The following FAM117B variants were observed in gnomAD, a reference collection of about 807,000 sequenced individuals.
FAM117B encodes protein FAM117B.
A neutral mutation model predicts 52.8 loss-of-function variants in FAM117B; 22 were observed. The ratio of observed to expected loss-of-function variants is 0.42; its 90% CI spans 0.30 to 0.59. FAM117B has a LOEUF of 0.59. Among genes scored for constraint, FAM117B ranks in the 20% least tolerant of loss-of-function variants. FAM117B has a pLI of 0.22. For missense variants in FAM117B, 678 were observed against 802.6 expected (o/e 0.84, Z 1.88); for synonymous variants, 309 against 324.1 (o/e 0.95, Z 0.50).
chr2:202,655,615 A>G (rs1173822869), intron 1 of FAM117B, among the ~76,000 whole-genome samples: 1 of 151,838 alleles, frequency 6.6e-6, no homozygotes, highest in Non-Finnish European at 1.5e-5. Context: ...TGTTTTTAGA[A>G]GAGGTTATGT....
chr2:202,638,303 G>A, intron 1 of FAM117B, among the ~76,000 whole-genome samples: 1 of 152,228 alleles, frequency 6.6e-6, no homozygotes, highest in Non-Finnish European at 1.5e-5. Flanking sequence ...GGTGGCAGAA[G>A]GAGGCACAGC....
chr2:202,704,186 G>A (rs918074246), intron 2 of FAM117B, among the ~76,000 whole-genome samples: 1 of 152,054 alleles, frequency 6.6e-6, no homozygotes, highest in East Asian at 1.9e-4. Flanking sequence ...AATTTTTTGA[G>A]GTTACTTTGA....
chr2:202,655,250 G>C (rs13397983), intron 1 of FAM117B, among the ~76,000 whole-genome samples: 13,690 of 152,076 alleles, frequency 0.09, 2,081 homozygotes, highest in African/African-American at 0.31. Flanking sequence ...ATGAATGTAC[G>C]ACACTTTGTT....
At chr2:202,667,251 C>A (rs1315453162) in intron 1 of FAM117B, among the ~76,000 whole-genome samples, 2 of 151,960 alleles carry the variant, frequency 1.3e-5, no homozygotes, top group African/African-American at 4.8e-5. Context: ...CAGGCACGTG[C>A]CACCATACCT....
At chr2:202,726,848 T>G (rs1413024542) in intron 4 of FAM117B, among the ~76,000 whole-genome samples, 2 of 151,934 alleles carry the variant, frequency 1.3e-5, no homozygotes, top group Non-Finnish European at 2.9e-5. Context: ...GATGAGTTAA[T>G]GGGTACAGCA....
At chr2:202,728,951 C>T (rs780037432) in intron 4 of FAM117B, among the ~76,000 whole-genome samples, 2 of 152,164 alleles carry the variant, frequency 1.3e-5, no homozygotes, top group African/African-American at 4.8e-5. Flanking sequence ...AGCGTCTTAA[C>T]TGTTTCTCCC....
At chr2:202,709,953 A>T (rs1690933495) in intron 2 of FAM117B, among the ~76,000 whole-genome samples, 1 of 152,136 alleles carries the variant, frequency 6.6e-6, no homozygotes, top group South Asian at 2.1e-4. Flanking sequence ...GTGTGGATTT[A>T]TTTATGGGCT....
At chr2:202,641,971 C>G (rs968191647) in intron 1 of FAM117B, among the ~76,000 whole-genome samples, 16 of 143,254 alleles carry the variant, frequency 1.1e-4, no homozygotes, top group Non-Finnish European at 2.0e-4. Flanking sequence ...TTATCGGAGT[C>G]TTACTCTGTC....
At chr2:202,712,419 CTTTTTTT>C (rs1186703318) in intron 2 of FAM117B, among the ~76,000 whole-genome samples, 4 of 89,458 alleles carry the variant, frequency 4.5e-5, no homozygotes, top group Non-Finnish European at 6.4e-5. Context: ...TATCAGCTCT[CTTTTTTT>C]TTTTTTTTTT....
chr2:202,635,356 A>AGCG lies in FAM117B; in HGVS notation c.187_189dup (p.Gly63dup), dbSNP rs758776023. 1,088 of 1,375,614 alleles carry AGCG rather than the reference A, an allele frequency of 7.9e-4. 1 individual carries two copies. The highest frequency in any genetic ancestry group is 1.5e-3 in the South Asian group (88 of 60,372). 85.2% of individuals were successfully genotyped at this position (1,375,614 alleles called of 1,614,324 possible). A position where few individuals can be genotyped will look rare whatever the true frequency, so the allele number is the denominator to read the frequency against. On this transcript the variant is annotated inframe_insertion, in exon 1 of 8. Transcript: ENST00000392238. The stretch of plus-strand genomic sequence containing the variant: ...GCAGCAACATGGCAGCCCCACGCGG[A>AGCG]GCGGCGGCGGCGGCGGCGGCAACAA...
At chr2:202,692,704 T>A (rs1241120155) in intron 1 of FAM117B, among the ~76,000 whole-genome samples, 4 of 152,196 alleles carry the variant, frequency 2.6e-5, no homozygotes, top group Non-Finnish European at 5.9e-5. Context: ...ATCTTCGAAT[T>A]TGACTTTTCA....
chr2:202,766,649 G>A lies in FAM117B; in HGVS notation c.*885G>A, dbSNP rs2105803410. On this transcript the variant is annotated 3_prime_UTR_variant, in exon 8 of 8. Transcript: ENST00000392238. ...AGCCAAAAGGAAGCTATCCAGCGTT[G>A]ATTGCTAGCTAAGAGTAAGGAGCCC... is the stretch of plus-strand genomic sequence containing the variant. The A allele has an allele frequency of 6.6e-6, 1 of 152,588 alleles. No individual in the cohort carries two copies. The highest frequency in any genetic ancestry group is 1.9e-4 in the East Asian group (1 of 5,168). The allele number at this position is 152,588 out of a possible 1,614,324, so 9.5% of individuals were successfully genotyped here.
intron 1 of FAM117B, among the ~76,000 whole-genome samples, chr2:202,668,094 AAT>A (rs1177145705): frequency 7.0e-6 from 1 of 143,018 alleles, no homozygotes; most frequent in Non-Finnish European, 1.5e-5. Flanking sequence ...ATTTTATAAA[AAT>A]ATATTTATAT....
At chr2:202,751,771 CAAA>C (rs397868272) in intron 4 of FAM117B, among the ~76,000 whole-genome samples, 73 of 76,164 alleles carry the variant, frequency 9.6e-4, no homozygotes, top group South Asian at 7.4e-3. Context: ...GACTCCATCT[CAAA>C]AAAAAAAAAA....
intron 7 of FAM117B, among the ~76,000 whole-genome samples, chr2:202,760,579 T>C (rs909495993): frequency 2.0e-5 from 3 of 152,132 alleles, no homozygotes; most frequent in Non-Finnish European, 2.9e-5. Flanking sequence ...GGGAAGCTGG[T>C]TGTCTAACCC....
In FAM117B at chr2:202,740,173, CCAAAAAAAAA is replaced by C. The variant is rs1212582941; in HGVS notation, c.960+13811_960+13820del. Among the ~76,000 whole-genome samples the C allele has an allele frequency of 2.2e-4, 15 of 69,686 alleles. 1 individual carries two copies. The highest frequency in any genetic ancestry group is 1.1e-3 in the Admixed American group (5 of 4,588). 45.7% of individuals were successfully genotyped at this position (69,686 alleles called of 152,430 possible). A position where few individuals can be genotyped will look rare whatever the true frequency, so the allele number is the denominator to read the frequency against. On this transcript the variant is annotated intron_variant, in intron 4 of 7. Transcript: ENST00000392238. The stretch of plus-strand genomic sequence containing the variant: ...GGAGGACAGAGCGAGACTTCATCCC[CCAAAAAAAAA>C]AAAAAAAAAAAAAAAAAAATCCCCA...
rs1282624276 is a variant in FAM117B at position 202,768,963 on chromosome 2, CT to C, written c.*3200del. The C allele has an allele frequency of 6.6e-6, 1 of 151,948 alleles. No homozygotes were observed. The highest frequency in any genetic ancestry group is 1.5e-5 in the Non-Finnish European group (1 of 67,988). The allele number at this position is 151,948 out of a possible 1,614,324, so 9.4% of individuals were successfully genotyped here. ...TTACTGTTTCTGATCATGACTGAGTCTATTACTTGTCATGGCTTTTGTACGC... is the reference window on the plus strand; with the variant it reads ...TTACTGTTTCTGATCATGACTGAGTCATTACTTGTCATGGCTTTTGTACGC... On this transcript the variant is annotated 3_prime_UTR_variant, in exon 8 of 8. Coordinates refer to ENST00000392238, the MANE Select transcript of FAM117B (RefSeq NM_173511.4).
In FAM117B at chr2:202,727,794, T is replaced by TA. The variant is rs1425294580; in HGVS notation, c.960+1432dup. 2.0e-5 allele frequency among the ~76,000 whole-genome samples: 3 copies of TA among 152,288 alleles called. No individual in the cohort carries two copies. In the East Asian group the frequency reaches 5.8e-4, roughly 29 times the overall value. ...TCTGGTTCACGAAGCCTAAAATACT[T>TA]ACTGTTTGGCCCTTTACAGATAAGG... On this transcript the variant is annotated intron_variant, in intron 4 of 7. Transcript: ENST00000392238.
At chr2:202,679,889 A>G (rs1001549088) in intron 1 of FAM117B, among the ~76,000 whole-genome samples, 18 of 152,372 alleles carry the variant, frequency 1.2e-4, no homozygotes, top group Admixed American at 6.5e-4. Context: ...GAAACAGACT[A>G]TGAGATAATA....
Sources: allele counts gnomAD v4.1 joint callset (sites outside exome capture counted in the v4.1 genomes callset), GRCh38; gene constraint gnomAD v4.1.1; transcripts MANE v1.5; gene names NCBI Gene and HGNC (gene_info 2026-07-23, HGNC 2026-07-21).